Variants in IMMP2L observed in about 807,000 individuals in gnomAD.
IMMP2L encodes inner mitochondrial membrane peptidase subunit 2.
In IMMP2L, 18 loss-of-function variants were observed where a neutral mutation model predicts 19.3. That is an observed-to-expected ratio of 0.93 (90% CI 0.64 to 1.38). IMMP2L has a LOEUF of 1.38. IMMP2L is among the 40% of genes most tolerant of loss of function. The probability of loss-of-function intolerance (pLI) is 0.00; values close to 1 mark genes in which losing one functional copy is unlikely to be tolerated. For synonymous variants in IMMP2L, 76 were observed against 73.0 expected (o/e 1.04, Z -0.21); for missense variants, 233 against 218.2 (o/e 1.07, Z -0.43).
chr7:111,358,799 A>G (rs1828977756), intron 3 of IMMP2L, among the ~76,000 whole-genome samples: 1 of 152,172 alleles, frequency 6.6e-6, no homozygotes, highest in South Asian at 2.1e-4. Context: ...AATGGGAGAA[A>G]GTCTCTTTTA....
chr7:110,852,387 C>T (rs1362053543), intron 5 of IMMP2L, among the ~76,000 whole-genome samples: 1 of 152,014 alleles, frequency 6.6e-6, no homozygotes, highest in Non-Finnish European at 1.5e-5. Flanking sequence ...AAGAACAACA[C>T]CTTGCATGAG....
At chr7:110,910,031 C>T (rs907687601) in intron 4 of IMMP2L, among the ~76,000 whole-genome samples, 4 of 151,884 alleles carry the variant, frequency 2.6e-5, no homozygotes, top group African/African-American at 9.7e-5. Flanking sequence ...CTTTTAAGTA[C>T]AGAAACTTCA....
intron 5 of IMMP2L, among the ~76,000 whole-genome samples, chr7:110,761,343 AATG>A (rs1798338394): frequency 6.6e-6 from 1 of 152,138 alleles, no homozygotes; most frequent in Admixed American, 6.6e-5. Context: ...TCCAATGATC[AATG>A]ATGTCCTTTC....
At chr7:111,428,312 T>G (rs1836283097) in intron 3 of IMMP2L, among the ~76,000 whole-genome samples, 4 of 151,622 alleles carry the variant, frequency 2.6e-5, no homozygotes, top group Admixed American at 2.0e-4. Flanking sequence ...AGTAGAAAAA[T>G]GAATACCAAA....
intron 3 of IMMP2L, among the ~76,000 whole-genome samples, chr7:111,300,507 T>C (rs1584513754): frequency 6.6e-6 from 1 of 152,116 alleles, no homozygotes. Context: ...AAAAATATGA[T>C]GCAAAATCAC....
intron 4 of IMMP2L, among the ~76,000 whole-genome samples, chr7:110,922,385 A>G (rs1267146172): frequency 6.6e-6 from 1 of 152,208 alleles, no homozygotes; most frequent in Non-Finnish European, 1.5e-5. Flanking sequence ...GGATCCTGAT[A>G]GATAATAAAT....
intron 3 of IMMP2L, among the ~76,000 whole-genome samples, chr7:111,084,291 A>G (rs1222053186): frequency 9.5e-6 from 1 of 105,228 alleles, no homozygotes; most frequent in Non-Finnish European, 2.2e-5. Context: ...GCAGCAGCAG[A>G]AATAAAATTA....
At position 110,896,603 on chromosome 7, in the gene IMMP2L, C is replaced by T. The variant is rs970076042; in HGVS notation, c.306-9908G>A. 9.5e-4 allele frequency among the ~76,000 whole-genome samples: 27 copies of T among 28,396 alleles called. 7 individuals carry two copies. The highest frequency in any genetic ancestry group is 4.7e-3 in the East Asian group (1 of 214). 18.6% of individuals were successfully genotyped at this position (28,396 alleles called of 152,430 possible). ...TCTGTTGACTTCTGTATTTGTGGCA[C>T]ATTTTGCCTTTCAAAAATTTTTAAT... On this transcript the variant is annotated intron_variant, in intron 4 of 5. Transcript: ENST00000405709.
chr7:110,697,444 C>T (rs1793973372), intron 5 of IMMP2L, among the ~76,000 whole-genome samples: 1 of 152,208 alleles, frequency 6.6e-6, no homozygotes. Context: ...AATAGAATCA[C>T]AACAAATTAT....
intron 3 of IMMP2L, among the ~76,000 whole-genome samples, chr7:111,402,668 G>A (rs1460101691): frequency 1.3e-5 from 2 of 152,056 alleles, no homozygotes; most frequent in South Asian, 2.1e-4. Context: ...AGCCAAGATC[G>A]CACCACTGCA....
intron 3 of IMMP2L, among the ~76,000 whole-genome samples, chr7:111,189,986 G>A (rs548294152): frequency 1.3e-5 from 2 of 152,198 alleles, no homozygotes; most frequent in South Asian, 4.2e-4. Context: ...CTGAAATACA[G>A]GTTGATATGA....
intron 3 of IMMP2L, among the ~76,000 whole-genome samples, chr7:111,432,236 A>C (rs1185731402): frequency 1.3e-5 from 2 of 151,284 alleles, no homozygotes; most frequent in East Asian, 3.9e-4. Context: ...GGGAAAAAAA[A>C]CCCCACACAT....
chr7:111,053,840 C>T (rs917791313), intron 3 of IMMP2L, among the ~76,000 whole-genome samples: 1 of 152,136 alleles, frequency 6.6e-6, no homozygotes, highest in African/African-American at 2.4e-5. Context: ...CAAGAAGGAA[C>T]TATATCAGAT....
chr7:111,085,074 G>C (rs73418075), intron 3 of IMMP2L, among the ~76,000 whole-genome samples: 4,594 of 152,144 alleles, frequency 0.03, 228 homozygotes, highest in African/African-American at 0.11. Flanking sequence ...GACCTTTTTG[G>C]ATCTACAGAG....
intron 3 of IMMP2L, among the ~76,000 whole-genome samples, chr7:111,092,111 T>C (rs771976738): frequency 2.6e-5 from 4 of 152,190 alleles, no homozygotes; most frequent in Non-Finnish European, 4.4e-5. Flanking sequence ...CAAACAGTTA[T>C]TGAATTTCTG....
intron 5 of IMMP2L, among the ~76,000 whole-genome samples, chr7:110,880,595 C>T (rs574743144): frequency 3.8e-4 from 58 of 151,690 alleles, no homozygotes; most frequent in African/African-American, 7.2e-5. Context: ...GTCTTATGGG[C>T]GCCTCATATT....
At position 110,869,602 on chromosome 7, in the gene IMMP2L, T is replaced by G. The variant is rs564542721; in HGVS notation, c.408+16991A>C. Among the ~76,000 whole-genome samples the G allele has an allele frequency of 9.2e-5, 14 of 152,224 alleles. No homozygotes were observed. In the South Asian group the frequency reaches 2.9e-3, roughly 32 times the overall value. Reference sequence around the variant, plus strand: ...GCCTGGCCTTGCATTTGAACTGTATTAGTTTCATTTGGGGAATACTTGCTG... The same window carrying G: ...GCCTGGCCTTGCATTTGAACTGTATGAGTTTCATTTGGGGAATACTTGCTG... On this transcript the variant is annotated intron_variant, in intron 5 of 5. Coordinates refer to ENST00000405709, the MANE Select transcript of IMMP2L (RefSeq NM_032549.4).
chr7:111,066,909 G>T (rs754631116), intron 3 of IMMP2L, among the ~76,000 whole-genome samples: 15 of 152,170 alleles, frequency 9.9e-5, no homozygotes, highest in Admixed American at 2.6e-4. Context: ...AACCACAGAG[G>T]CAATCCATCA....
chr7:110,668,830 C>G (rs1243543775), intron 5 of IMMP2L, among the ~76,000 whole-genome samples: 1 of 151,208 alleles, frequency 6.6e-6, no homozygotes, highest in African/African-American at 2.4e-5. Flanking sequence ...TGTTCATCCT[C>G]CATAGTGTCT....
Sources: gnomAD v4.1 joint callset for allele counts (sites outside exome capture counted in the v4.1 genomes callset) on GRCh38, gnomAD v4.1.1 for gene constraint, MANE v1.5 for transcripts, NCBI Gene and HGNC (gene_info 2026-07-23, HGNC 2026-07-21) for gene names.